The following TXNDC12 variants were observed in gnomAD, a reference collection of about 807,000 sequenced individuals.
TXNDC12 encodes thioredoxin domain-containing protein 12.
A neutral mutation model predicts 24.2 loss-of-function variants in TXNDC12; 22 were observed. That is an observed-to-expected ratio of 0.91 (90% CI 0.65 to 1.30). The LOEUF is 1.30. TXNDC12 is among the 50% of genes most tolerant of loss of function. TXNDC12 has a pLI of 0.00. For synonymous variants in TXNDC12, 58 were observed against 73.4 expected (o/e 0.79, Z 1.07); for missense variants, 184 against 205.8 (o/e 0.89, Z 0.65).
At chr1:52,033,508 T>G (rs200200454) in intron 2 of TXNDC12, 1 of 1,613,862 alleles carries the variant, frequency 6.2e-7, no homozygotes. Context: ...ACGGAAACCT[T>G]TGATGTAGTT....
At chr1:52,046,214 A>G (rs998501630) in intron 1 of TXNDC12, among the ~76,000 whole-genome samples, 5 of 148,736 alleles carry the variant, frequency 3.4e-5, no homozygotes, top group African/African-American at 1.2e-4. Context: ...AAAAAAAGAC[A>G]CAGTTTGTGG....
At position 52,033,364 on chromosome 1, in the gene TXNDC12, C is replaced by T. The variant is rs752257963; in HGVS notation, c.159-4734G>A. On this transcript the variant is annotated intron_variant, in intron 2 of 6. Coordinates refer to ENST00000371626, the MANE Select transcript of TXNDC12 (RefSeq NM_015913.4). Reference sequence around the variant, plus strand: ...GTCCTCCTCAGCGCGTGGCCGCCAACTCACACTGACGTTCCGGCCAGGGTT... The same window carrying T: ...GTCCTCCTCAGCGCGTGGCCGCCAATTCACACTGACGTTCCGGCCAGGGTT... 4 of 1,613,766 alleles carry T rather than the reference C, an allele frequency of 2.5e-6. No individual in the cohort carries two copies. The South Asian group carries it at 4.4e-5, about 18-fold the overall frequency.
chr1:52,027,790 ATGTATATATG>A (rs1255578268), intron 3 of TXNDC12, among the ~76,000 whole-genome samples: 1 of 149,532 alleles, frequency 6.7e-6, no homozygotes, highest in Non-Finnish European at 1.5e-5. Context: ...TATATATGTT[ATGTATATATG>A]TGTATATATG....
intron 4 of TXNDC12, among the ~76,000 whole-genome samples, chr1:52,025,731 C>G (rs916056828): frequency 2.0e-5 from 3 of 151,782 alleles, no homozygotes; most frequent in Admixed American, 6.5e-5. Context: ...TTCAGGCTAT[C>G]CCCTAGCTAT....
intron 2 of TXNDC12, chr1:52,033,731 A>T: frequency 6.2e-7 from 1 of 1,607,362 alleles, no homozygotes; most frequent in Non-Finnish European, 8.5e-7. Flanking sequence ...TTGCCGCTGT[A>T]CGGCAGCCCG....
chr1:52,033,085 T>A, intron 2 of TXNDC12: 1 of 1,609,608 alleles, frequency 6.2e-7, no homozygotes, highest in Non-Finnish European at 8.5e-7. Flanking sequence ...TAAAGGCCGG[T>A]CCCAGCGATT....
At chr1:52,026,980 G>A (rs1392257279) in intron 4 of TXNDC12, among the ~76,000 whole-genome samples, 3 of 151,714 alleles carry the variant, frequency 2.0e-5, no homozygotes, top group African/African-American at 4.8e-5. Flanking sequence ...AGGTTGCAGC[G>A]AGCCAGGATC....
chr1:52,033,246 C>A, intron 2 of TXNDC12: 1 of 1,614,094 alleles, frequency 6.2e-7, no homozygotes, highest in Non-Finnish European at 8.5e-7. Flanking sequence ...GCTCCAGTTC[C>A]TTGGGTACGT....
intron 5 of TXNDC12, among the ~76,000 whole-genome samples, chr1:52,024,204 A>G (rs1362905377): frequency 6.6e-6 from 1 of 152,088 alleles, no homozygotes; most frequent in Non-Finnish European, 1.5e-5. Flanking sequence ...CGTGTTGCCC[A>G]TGCTGGTCTC....
rs1248019693 is a variant in TXNDC12 at position 52,020,138 on chromosome 1, T to G, written c.*795A>C. 5.8e-6 allele frequency: 1 copy of G among 172,398 alleles called. No homozygotes were observed. Among genetic ancestry groups the G allele is most frequent in the African/African-American group, 2.4e-5 (1 of 42,212 alleles). 10.7% of individuals were successfully genotyped at this position (172,398 alleles called of 1,614,324 possible). Reference sequence around the variant, plus strand: ...AAAGGCCATCACAGCACATTTCCTTTTAAAGTTTTATTAAAGTTTAATGGT... The same window carrying G: ...AAAGGCCATCACAGCACATTTCCTTGTAAAGTTTTATTAAAGTTTAATGGT... On this transcript the variant is annotated 3_prime_UTR_variant, in exon 7 of 7. Transcript: ENST00000371626.
intron 2 of TXNDC12, among the ~76,000 whole-genome samples, chr1:52,029,865 C>T (rs1033959663): frequency 6.6e-6 from 1 of 152,176 alleles, no homozygotes; most frequent in African/African-American, 2.4e-5. Flanking sequence ...AGCTTGTAAA[C>T]CAAATGAGCA....
chr1:52,041,602 A>G lies in TXNDC12; in HGVS notation c.98-5T>C. 6.2e-7 allele frequency: 1 copy of G among 1,605,498 alleles called. No homozygotes were observed. Among genetic ancestry groups the G allele is most frequent in the Non-Finnish European group, 8.5e-7 (1 of 1,174,246 alleles). ...AATGAATATGATCTCCAAAACCTGG[A>G]AGGAAAGAACTTTATAAGCATTCAC... On this transcript the variant is annotated splice_polypyrimidine_tract_variant and splice_region_variant and intron_variant, in intron 1 of 6. Transcript: ENST00000371626.
chr1:52,037,207 C>CTTT (rs34590025), intron 2 of TXNDC12, among the ~76,000 whole-genome samples: 26 of 123,514 alleles, frequency 2.1e-4, no homozygotes, highest in African/African-American at 3.9e-4. Context: ...AATAGACCAC[C>CTTT]TTTTTTTTTT....
intron 1 of TXNDC12, among the ~76,000 whole-genome samples, chr1:52,046,077 G>A (rs1034874951): frequency 6.6e-6 from 1 of 152,056 alleles, no homozygotes; most frequent in African/African-American, 2.4e-5. Context: ...GCCAGGTGTG[G>A]TGGTGCATGC....
At chr1:52,034,082 G>A (rs1685838202) in intron 2 of TXNDC12, 2 of 1,289,404 alleles carry the variant, frequency 1.6e-6, no homozygotes, top group Non-Finnish European at 9.8e-7. Context: ...TAAGCAATCA[G>A]CACTATATTT....
chr1:52,033,784 C>T (rs1685829827), intron 2 of TXNDC12: 9 of 1,547,032 alleles, frequency 5.8e-6, no homozygotes, highest in South Asian at 2.4e-5. Context: ...CGACCATTGG[C>T]AACCGCGCTG....
At chr1:52,039,269 TTATTC>T (rs1210802727) in intron 2 of TXNDC12, among the ~76,000 whole-genome samples, 4 of 152,058 alleles carry the variant, frequency 2.6e-5, no homozygotes, top group Non-Finnish European at 5.9e-5. Context: ...TTTCATGGTG[TTATTC>T]TAGGTTTATG....
intron 1 of TXNDC12, among the ~76,000 whole-genome samples, chr1:52,054,432 C>CA (rs34492817): frequency 1.3e-5 from 2 of 152,162 alleles, no homozygotes; most frequent in Non-Finnish European, 2.9e-5. Flanking sequence ...CGCTCACTTA[C>CA]AAAAAAACTT....
intron 2 of TXNDC12, among the ~76,000 whole-genome samples, chr1:52,034,917 C>A (rs1346530548): frequency 1.3e-5 from 2 of 152,080 alleles, no homozygotes; most frequent in East Asian, 3.9e-4. Flanking sequence ...GTGTGCGCCA[C>A]CATATCTGGC....
Sources: gnomAD v4.1 joint callset for allele counts (sites outside exome capture counted in the v4.1 genomes callset) on GRCh38, gnomAD v4.1.1 for gene constraint, MANE v1.5 for transcripts, NCBI Gene and HGNC (gene_info 2026-07-23, HGNC 2026-07-21) for gene names.